Variants in MARCHF1 observed in about 807,000 individuals in gnomAD.
MARCHF1 encodes the protein membrane associated ring-CH-type finger 1, also known as E3 ubiquitin-protein ligase MARCHF1.
In MARCHF1, 40 loss-of-function variants were observed where a neutral mutation model predicts 54.2. That is an observed-to-expected ratio of 0.74 (90% CI 0.57 to 0.96). MARCHF1 has a LOEUF of 0.96. Ranked by LOEUF, MARCHF1 falls within the 40% of genes least tolerant of loss-of-function variation. MARCHF1 has a pLI of 0.00. For missense variants in MARCHF1, 586 were observed against 656.5 expected (o/e 0.89, Z 1.17); for synonymous variants, 236 against 236.3 (o/e 1.00, Z 0.01).
rs550451057 is a variant in MARCHF1, at chr4:163,713,304, G to A, written c.112-12441C>T. On this transcript the variant is annotated intron_variant, in intron 4 of 9. Coordinates refer to ENST00000514618, the MANE Select transcript of MARCHF1 (RefSeq NM_001394959.1). ...GGAAATAAATAGAAATGTCACTAGA[G>A]AATTATTACTTCATATAGTATTCTA... Among the ~76,000 whole-genome samples the A allele has an allele frequency of 9.1e-4, 138 of 152,124 alleles. 3 individuals are homozygous for A. In the South Asian group the frequency reaches 9.8e-3, roughly 11 times the overall value.
intron 5 of MARCHF1, among the ~76,000 whole-genome samples, chr4:163,676,673 T>A (rs374509070): frequency 1.3e-5 from 2 of 152,152 alleles, no homozygotes; most frequent in African/African-American, 4.8e-5. Context: ...GGAGGATGGC[T>A]TGAGCCCAGG....
At chr4:163,801,478 C>T (rs968768283) in intron 4 of MARCHF1, among the ~76,000 whole-genome samples, 8 of 151,988 alleles carry the variant, frequency 5.3e-5, no homozygotes, top group Non-Finnish European at 8.8e-5. Flanking sequence ...CTAAATACTC[C>T]GGAATGTGCT....
rs371358199 is a variant in MARCHF1, at chr4:163,976,852, A to C, written c.-39+11649T>G. On this transcript the variant is annotated intron_variant, in intron 3 of 9. Transcript: ENST00000514618. ...GAGGTTTCAGATTTCTATGCAGTGC[A>C]TTTCAGTCACCAGTCACCGTAGAGT... is the stretch of plus-strand genomic sequence containing the variant. Among the ~76,000 whole-genome samples the C allele has an allele frequency of 3.3e-5, 5 of 152,254 alleles. No individual in the cohort carries two copies. The South Asian group carries it at 6.2e-4, about 19-fold the overall frequency.
At chr4:163,836,022 CA>C (rs1749171323) in intron 4 of MARCHF1, among the ~76,000 whole-genome samples, 1 of 152,088 alleles carries the variant, frequency 6.6e-6, no homozygotes, top group Admixed American at 6.5e-5. Flanking sequence ...CAGCTTGGCA[CA>C]ATTCCTCCCA....
chr4:163,760,839 C>T (rs1746807562), intron 4 of MARCHF1, among the ~76,000 whole-genome samples: 1 of 152,098 alleles, frequency 6.6e-6, no homozygotes, highest in African/African-American at 2.4e-5. Flanking sequence ...TAAATTTACT[C>T]TCCTCATTTT....
At chr4:164,013,012 C>T (rs1272861377) in intron 2 of MARCHF1, among the ~76,000 whole-genome samples, 1 of 152,138 alleles carries the variant, frequency 6.6e-6, no homozygotes, top group Non-Finnish European at 1.5e-5. Flanking sequence ...GCACCAAGAA[C>T]ACTCAGGAAA....
At chr4:163,732,318 T>A (rs1745868611) in intron 4 of MARCHF1, among the ~76,000 whole-genome samples, 1 of 151,884 alleles carries the variant, frequency 6.6e-6, no homozygotes, top group East Asian at 1.9e-4. Flanking sequence ...AAATAATCAG[T>A]GAACTTGAAG....
intron 3 of MARCHF1, among the ~76,000 whole-genome samples, chr4:163,911,911 GTTGT>G (rs1751197861): frequency 6.6e-6 from 1 of 152,130 alleles, no homozygotes; most frequent in South Asian, 2.1e-4. Context: ...ATAAAGTTCT[GTTGT>G]TTAAGTCACC....
intron 2 of MARCHF1, among the ~76,000 whole-genome samples, chr4:163,996,682 T>C (rs1227792657): frequency 6.6e-6 from 1 of 152,028 alleles, no homozygotes; most frequent in Non-Finnish European, 1.5e-5. Context: ...TTTAGAATGG[T>C]CTTATTAGGT....
intron 2 of MARCHF1, among the ~76,000 whole-genome samples, chr4:164,101,108 T>C (rs1316272330): frequency 6.6e-6 from 1 of 151,952 alleles, no homozygotes; most frequent in Admixed American, 6.6e-5. Flanking sequence ...GCTCGGAGGG[T>C]CCTACGCCCA....
At chr4:163,628,416 T>C (rs1390381471) in intron 5 of MARCHF1, among the ~76,000 whole-genome samples, 1 of 152,184 alleles carries the variant, frequency 6.6e-6, no homozygotes, top group Non-Finnish European at 1.5e-5. Flanking sequence ...TAAGGGCTAT[T>C]TATGACAAAC....
chr4:164,077,758 C>T (rs142119996), intron 2 of MARCHF1, among the ~76,000 whole-genome samples: 2,509 of 152,152 alleles, frequency 0.016, 43 homozygotes, highest in Non-Finnish European at 0.022. Context: ...GACATTTATG[C>T]GGCAAACAAA....
intron 8 of MARCHF1, chr4:163,585,528 G>C: frequency 2.8e-6 from 1 of 362,696 alleles, no homozygotes; most frequent in African/African-American, 2.1e-5. Context: ...AGCATTGAAA[G>C]TAATATATCA....
At chr4:163,946,545 G>C (rs867578700) in intron 3 of MARCHF1, among the ~76,000 whole-genome samples, 3 of 152,266 alleles carry the variant, frequency 2.0e-5, no homozygotes, top group African/African-American at 7.2e-5. Context: ...GATTCTTCTA[G>C]TCCAAGACAG....
intron 1 of MARCHF1, chr4:164,190,240 T>A: frequency 7.9e-7 from 1 of 1,270,466 alleles, no homozygotes; most frequent in Non-Finnish European, 1.1e-6. Flanking sequence ...AAGAAGGAAC[T>A]GGAAGAAATT....
At position 164,081,162 on chromosome 4, in the gene MARCHF1, C is replaced by A. The variant is rs1342620279; in HGVS notation, c.-248+30426G>T. Among the ~76,000 whole-genome samples, 12 of 120,010 alleles carry A rather than the reference C, an allele frequency of 1.0e-4. No homozygotes were observed. The South Asian group carries it at 3.6e-3, about 36-fold the overall frequency. The allele number at this position is 120,010 out of a possible 152,430, so 78.7% of individuals were successfully genotyped here. On this transcript the variant is annotated intron_variant, in intron 2 of 9. Coordinates refer to ENST00000514618, the MANE Select transcript of MARCHF1 (RefSeq NM_001394959.1). ...GGCGGAGCTTGCAGTGAGCCGAGAT[C>A]GCGCCACTGCACTCCAGCCTGGGCG... is the stretch of plus-strand genomic sequence containing the variant.
At chr4:163,896,755 G>A (rs114833195) in intron 3 of MARCHF1, among the ~76,000 whole-genome samples, 1,653 of 152,212 alleles carry the variant, frequency 0.011, 26 homozygotes, top group Non-Finnish European at 0.018. Context: ...ATGGGAAATC[G>A]CCTATTTTGC....
At chr4:163,899,660 C>A (rs749111610) in intron 3 of MARCHF1, among the ~76,000 whole-genome samples, 2 of 151,940 alleles carry the variant, frequency 1.3e-5, no homozygotes, top group Non-Finnish European at 2.9e-5. Context: ...CCTGACCTGA[C>A]CTTCAGATCT....
chr4:163,659,526 T>C (rs184445183), intron 5 of MARCHF1, among the ~76,000 whole-genome samples: 256 of 152,000 alleles, frequency 1.7e-3, no homozygotes, highest in African/African-American at 6.0e-3. Flanking sequence ...CCAAAAGCAA[T>C]TGCAACAAAA....
Sources: allele counts gnomAD v4.1 joint callset (sites outside exome capture counted in the v4.1 genomes callset), GRCh38; gene constraint gnomAD v4.1.1; transcripts MANE v1.5; gene names NCBI Gene and HGNC (gene_info 2026-07-23, HGNC 2026-07-21).